NEGR1: variants seen among roughly 807,000 people sequenced by gnomAD.
The protein encoded by NEGR1 is neuronal growth regulator 1, also known as IgLON family member 4.
Under a neutral mutation model 40.9 loss-of-function variants are expected in NEGR1, and 10 were observed. The ratio of observed to expected loss-of-function variants is 0.24; its 90% CI spans 0.15 to 0.42. The LOEUF (loss-of-function observed/expected upper bound fraction) is 0.42. Ranked by LOEUF, NEGR1 falls within the 10% of genes least tolerant of loss-of-function variation. NEGR1 has a pLI of 1.00. For synonymous variants in NEGR1, 185 were observed against 166.8 expected (o/e 1.11, Z -0.84); for missense variants, 352 against 438.9 (o/e 0.80, Z 1.77).
chr1:71,616,753 G>A (rs1316836740), intron 4 of NEGR1, among the ~76,000 whole-genome samples: 1 of 152,104 alleles, frequency 6.6e-6, no homozygotes, highest in East Asian at 1.9e-4. Context: ...CACAGTTTTG[G>A]TAAGCCCACA....
intron 1 of NEGR1, among the ~76,000 whole-genome samples, chr1:72,144,736 G>A (rs1650844339): frequency 6.6e-6 from 1 of 151,948 alleles, no homozygotes; most frequent in Non-Finnish European, 1.5e-5. Context: ...TGTGGAACAG[G>A]GTCTAGTGGA....
intron 1 of NEGR1, among the ~76,000 whole-genome samples, chr1:72,190,222 A>G (rs1652770452): frequency 6.6e-6 from 1 of 151,616 alleles, no homozygotes; most frequent in South Asian, 2.1e-4. Flanking sequence ...AATGCTGCAC[A>G]TATTTTCTGA....
intron 2 of NEGR1, among the ~76,000 whole-genome samples, chr1:71,826,650 G>A (rs1658636545): frequency 6.6e-6 from 1 of 151,380 alleles, no homozygotes; most frequent in African/African-American, 2.4e-5. Flanking sequence ...GTAAAGAAGT[G>A]TGTTTGCACT....
At chr1:71,669,424 TGTAGA>T (rs1379966771) in intron 4 of NEGR1, among the ~76,000 whole-genome samples, 5 of 152,128 alleles carry the variant, frequency 3.3e-5, no homozygotes, top group African/African-American at 9.6e-5. Flanking sequence ...TTTTACTTTC[TGTAGA>T]GTAGCTATTT....
intron 2 of NEGR1, among the ~76,000 whole-genome samples, chr1:71,800,650 T>C (rs913691319): frequency 6.6e-6 from 1 of 152,170 alleles, no homozygotes; most frequent in Non-Finnish European, 1.5e-5. Context: ...AGCCTCTGTG[T>C]GCTTATGCTT....
intron 3 of NEGR1, among the ~76,000 whole-genome samples, chr1:71,747,748 A>C (rs1372540920): frequency 2.0e-5 from 3 of 152,090 alleles, no homozygotes; most frequent in Admixed American, 6.6e-5. Flanking sequence ...TAATAGAAAC[A>C]ATCGAAGAGA....
intron 1 of NEGR1, among the ~76,000 whole-genome samples, chr1:71,953,947 C>T (rs1646095285): frequency 6.6e-6 from 1 of 151,804 alleles, no homozygotes; most frequent in Admixed American, 6.6e-5. Context: ...TCCACTTTAT[C>T]GCAGTGGTCT....
At chr1:72,237,628 T>G (rs1394472461) in intron 1 of NEGR1, among the ~76,000 whole-genome samples, 1 of 152,066 alleles carries the variant, frequency 6.6e-6, no homozygotes, top group Non-Finnish European at 1.5e-5. Context: ...AAATTTGATG[T>G]GCACATATTC....
intron 2 of NEGR1, among the ~76,000 whole-genome samples, chr1:71,802,992 T>C (rs1485850267): frequency 6.6e-6 from 1 of 152,144 alleles, no homozygotes; most frequent in East Asian, 1.9e-4. Context: ...GTGAATGTAT[T>C]GTAAGTGAGG....
At chr1:71,542,527 C>T (rs1462651027) in intron 6 of NEGR1, among the ~76,000 whole-genome samples, 1 of 151,702 alleles carries the variant, frequency 6.6e-6, no homozygotes, top group Non-Finnish European at 1.5e-5. Context: ...CTGATTCCAT[C>T]AGTTCCTCCT....
At chr1:71,951,280 T>C (rs913218026) in intron 1 of NEGR1, among the ~76,000 whole-genome samples, 1 of 151,950 alleles carries the variant, frequency 6.6e-6, no homozygotes, top group Non-Finnish European at 1.5e-5. Context: ...TGGCTGAAAG[T>C]CATCATTATC....
At chr1:71,706,942 G>A (rs1255674559) in intron 3 of NEGR1, among the ~76,000 whole-genome samples, 3 of 152,016 alleles carry the variant, frequency 2.0e-5, no homozygotes, top group East Asian at 3.9e-4. Context: ...CTGGGACACT[G>A]GGGGAGGGAG....
chr1:72,055,591 A>T (rs969950903), intron 1 of NEGR1, among the ~76,000 whole-genome samples: 1 of 150,996 alleles, frequency 6.6e-6, no homozygotes, highest in Non-Finnish European at 1.5e-5. Flanking sequence ...AGCATCTGAA[A>T]GTATTTGTTG....
intron 2 of NEGR1, among the ~76,000 whole-genome samples, chr1:71,836,480 GTATA>G (rs10668432): frequency 6.9e-6 from 1 of 144,558 alleles, no homozygotes. Context: ...ATATATATGT[GTATA>G]TATATATATA....
intron 4 of NEGR1, among the ~76,000 whole-genome samples, chr1:71,694,451 A>C (rs1653405960): frequency 6.6e-6 from 1 of 151,780 alleles, no homozygotes; most frequent in Non-Finnish European, 1.5e-5. Context: ...TTAATGCTTA[A>C]AAATTTCTTT....
intron 1 of NEGR1, among the ~76,000 whole-genome samples, chr1:71,962,102 A>C (rs1211654491): frequency 2.0e-5 from 3 of 152,094 alleles, no homozygotes; most frequent in Non-Finnish European, 4.4e-5. Context: ...AATCCAACAC[A>C]GTCTTAAAAA....
At chr1:72,228,712 C>A (rs144426886) in intron 1 of NEGR1, among the ~76,000 whole-genome samples, 1 of 151,976 alleles carries the variant, frequency 6.6e-6, no homozygotes, top group Non-Finnish European at 1.5e-5. Flanking sequence ...CAAAAGATGA[C>A]CAGGGACTTT....
intron 6 of NEGR1, among the ~76,000 whole-genome samples, chr1:71,521,047 T>C (rs1428485096): frequency 6.6e-6 from 1 of 152,074 alleles, no homozygotes; most frequent in African/African-American, 2.4e-5. Flanking sequence ...CTAGGGAATC[T>C]TAATTAGCAG....
chr1:72,145,647 T>C (rs1650878264), intron 1 of NEGR1, among the ~76,000 whole-genome samples: 1 of 152,122 alleles, frequency 6.6e-6, no homozygotes, highest in Admixed American at 6.6e-5. Context: ...AAGCGGCATT[T>C]AGTTGTATAA....
Sources: allele counts gnomAD v4.1 joint callset (sites outside exome capture counted in the v4.1 genomes callset), GRCh38; gene constraint gnomAD v4.1.1; transcripts MANE v1.5; gene names NCBI Gene and HGNC (gene_info 2026-07-23, HGNC 2026-07-21).